Variants in CTNNBL1 observed in about 807,000 individuals in gnomAD.
CTNNBL1 encodes catenin beta like 1.
In CTNNBL1, 31 loss-of-function variants were observed where a neutral mutation model predicts 72.7. The ratio of observed to expected loss-of-function variants is 0.43; its 90% CI spans 0.32 to 0.58. The LOEUF is 0.58. CTNNBL1 is among the 20% of genes least tolerant of loss of function. The pLI, the probability that CTNNBL1 is intolerant of heterozygous loss-of-function variation, is 0.08. For synonymous variants in CTNNBL1, 240 were observed against 267.3 expected, an observed-to-expected ratio of 0.90 and a Z score of 1.00; for missense variants, 534 against 725.1, an observed-to-expected ratio of 0.74 and a Z score of 3.03.
chr20:37,743,913 T>A (rs1325899861), intron 3 of CTNNBL1, among the ~76,000 whole-genome samples: 1 of 151,906 alleles, frequency 6.6e-6, no homozygotes, highest in East Asian at 2.0e-4. Flanking sequence ...TCAGGATACA[T>A]GTAAAATAGA....
At chr20:37,699,910 T>A (rs1157567964) in intron 1 of CTNNBL1, among the ~76,000 whole-genome samples, 1 of 152,222 alleles carries the variant, frequency 6.6e-6, no homozygotes, top group Non-Finnish European at 1.5e-5. Context: ...ACTTTTTCCC[T>A]GCCATTCAAG....
chr20:37,869,096 C>A (rs891506544), intron 15 of CTNNBL1, among the ~76,000 whole-genome samples: 1 of 152,256 alleles, frequency 6.6e-6, no homozygotes, highest in Non-Finnish European at 1.5e-5. Flanking sequence ...GGAGGCATCA[C>A]AACCACTTGC....
intron 1 of CTNNBL1, among the ~76,000 whole-genome samples, chr20:37,713,079 A>G (rs974430100): frequency 6.6e-6 from 1 of 152,226 alleles, no homozygotes; most frequent in African/African-American, 2.4e-5. Flanking sequence ...CTCACTCAGC[A>G]TGATGAACTT....
chr20:37,822,517 A>C (rs1316816263), intron 11 of CTNNBL1, among the ~76,000 whole-genome samples: 1 of 152,232 alleles, frequency 6.6e-6, no homozygotes, highest in Non-Finnish European at 1.5e-5. Context: ...TATATAAAGC[A>C]AAGGGACATT....
intron 4 of CTNNBL1, among the ~76,000 whole-genome samples, chr20:37,753,651 G>A (rs2073339128): frequency 6.6e-6 from 1 of 152,196 alleles, no homozygotes; most frequent in South Asian, 2.1e-4. Context: ...GAAGGCAATA[G>A]TGAGCGCTTT....
chr20:37,707,930 A>AGG (rs2072902659), intron 1 of CTNNBL1, among the ~76,000 whole-genome samples: 1 of 150,716 alleles, frequency 6.6e-6, no homozygotes, highest in African/African-American at 2.4e-5. Context: ...AGACCTGAGG[A>AGG]GAGAGAGAGA....
intron 10 of CTNNBL1, among the ~76,000 whole-genome samples, chr20:37,794,676 A>T (rs190045546): frequency 1.3e-3 from 187 of 146,028 alleles, no homozygotes; most frequent in African/African-American, 3.9e-3. Flanking sequence ...TTTTTTTTCT[A>T]CTTTAAGTAG....
intron 13 of CTNNBL1, among the ~76,000 whole-genome samples, chr20:37,847,626 C>T (rs1214152223): frequency 6.6e-6 from 1 of 152,142 alleles, no homozygotes; most frequent in East Asian, 1.9e-4. Flanking sequence ...GTGTATAGAG[C>T]ATGCCTGGCT....
rs1018566591 is a variant in CTNNBL1 at position 37,828,298 on chromosome 20, C to T, written c.1214-11804C>T. ...GTTGCAGAGAACGAGAGCTCATCTC[C>T]GCACATCCTTACAAGCATTAGGTGT... On this transcript the variant is annotated intron_variant, in intron 11 of 15. Coordinates refer to ENST00000361383, the MANE Select transcript of CTNNBL1 (RefSeq NM_030877.5). Among the ~76,000 whole-genome samples the T allele has an allele frequency of 4.6e-5, 7 of 152,174 alleles. 1 individual carries two copies. Among genetic ancestry groups the T allele is most frequent in the Non-Finnish European group, 7.3e-5 (5 of 68,032 alleles).
At chr20:37,702,806 A>C (rs2072855420) in intron 1 of CTNNBL1, among the ~76,000 whole-genome samples, 1 of 152,232 alleles carries the variant, frequency 6.6e-6, no homozygotes, top group Admixed American at 6.5e-5. Context: ...ACTTAGAGGC[A>C]AGGACCAGCA....
At chr20:37,766,705 G>C (rs2073471985) in intron 6 of CTNNBL1, among the ~76,000 whole-genome samples, 1 of 152,124 alleles carries the variant, frequency 6.6e-6, no homozygotes, top group Admixed American at 6.6e-5. Context: ...CATGAATGGG[G>C]CTGGGATTTG....
At chr20:37,735,685 A>G (rs909400521) in intron 2 of CTNNBL1, among the ~76,000 whole-genome samples, 6 of 152,228 alleles carry the variant, frequency 3.9e-5, no homozygotes, top group Non-Finnish European at 7.3e-5. Context: ...GTATAATCTA[A>G]TAAATGTGTC....
intron 10 of CTNNBL1, among the ~76,000 whole-genome samples, chr20:37,792,881 G>A (rs1217103448): frequency 6.6e-6 from 1 of 152,060 alleles, no homozygotes; most frequent in African/African-American, 2.4e-5. Flanking sequence ...TTTCTTTTCT[G>A]ATTCATCTTT....
chr20:37,793,732 C>T (rs928653318), intron 10 of CTNNBL1, among the ~76,000 whole-genome samples: 1 of 152,076 alleles, frequency 6.6e-6, no homozygotes, highest in African/African-American at 2.4e-5. Context: ...TGTTATTAGC[C>T]CTGTTATACA....
intron 11 of CTNNBL1, among the ~76,000 whole-genome samples, chr20:37,819,093 T>C (rs1242478417): frequency 1.3e-5 from 2 of 152,230 alleles, no homozygotes; most frequent in Non-Finnish European, 2.9e-5. Context: ...TTCTACTTCA[T>C]TTTATGCATT....
At chr20:37,772,383 C>T (rs1207919467) in intron 7 of CTNNBL1, among the ~76,000 whole-genome samples, 1 of 152,190 alleles carries the variant, frequency 6.6e-6, no homozygotes, top group Non-Finnish European at 1.5e-5. Flanking sequence ...CGGAGTCTCA[C>T]TCTGTCACCC....
At chr20:37,799,083 C>A (rs1316518131) in intron 10 of CTNNBL1, among the ~76,000 whole-genome samples, 1 of 152,300 alleles carries the variant, frequency 6.6e-6, no homozygotes, top group African/African-American at 2.4e-5. Flanking sequence ...TCATGCTTCT[C>A]TCAAATAGGC....
rs1439495217 is a variant in CTNNBL1 at position 37,715,855 on chromosome 20, T to G, written c.31-17024T>G. ...ATTGACAGCTAATGGGTAGTTTGCC[T>G]TGATGGCTCTCTTTGAGTTGGTTGT... On this transcript the variant is annotated intron_variant, in intron 1 of 15. Coordinates refer to ENST00000361383, the MANE Select transcript of CTNNBL1 (RefSeq NM_030877.5). Among the ~76,000 whole-genome samples the G allele has an allele frequency of 2.0e-5, 3 of 152,228 alleles. No homozygotes were observed. The East Asian group carries it at 5.8e-4, about 29-fold the overall frequency.
chr20:37,760,896 A>C (rs1324257811), intron 5 of CTNNBL1, among the ~76,000 whole-genome samples: 2 of 152,244 alleles, frequency 1.3e-5, no homozygotes, highest in Non-Finnish European at 2.9e-5. Flanking sequence ...AGTTTAAAAA[A>C]TATTTCAAAA....
Sources: allele counts gnomAD v4.1 joint callset (sites outside exome capture counted in the v4.1 genomes callset), GRCh38; gene constraint gnomAD v4.1.1; transcripts MANE v1.5; gene names NCBI Gene and HGNC (gene_info 2026-07-23, HGNC 2026-07-21).